SLC24A4: variants seen among roughly 807,000 people sequenced by gnomAD.
SLC24A4 encodes the protein solute carrier family 24 member 4.
SLC24A4 carries 53 observed loss-of-function variants against 79.0 expected under a neutral mutation model. That is an observed-to-expected ratio of 0.67 (90% CI 0.54 to 0.84). SLC24A4 has a LOEUF of 0.84. Ranked by LOEUF, SLC24A4 falls within the 40% of genes least tolerant of loss-of-function variation. SLC24A4 has a pLI of 0.00. For missense variants in SLC24A4, 731 were observed against 822.0 expected, an observed-to-expected ratio of 0.89 and a Z score of 1.35; for synonymous variants, 323 against 323.8, an observed-to-expected ratio of 1.00 and a Z score of 0.03.
intron 2 of SLC24A4, among the ~76,000 whole-genome samples, chr14:92,403,312 G>T (rs1890207551): frequency 6.6e-6 from 1 of 152,088 alleles, no homozygotes. Flanking sequence ...CAGACTTAAA[G>T]CTCTGAGAGG....
chr14:92,461,344 T>C (rs1027365069), intron 12 of SLC24A4, among the ~76,000 whole-genome samples: 1 of 152,252 alleles, frequency 6.6e-6, no homozygotes. Flanking sequence ...GGAATTCTTC[T>C]ATTGCTCTGT....
At chr14:92,449,479 G>A (rs951381996) in intron 10 of SLC24A4, among the ~76,000 whole-genome samples, 2 of 152,168 alleles carry the variant, frequency 1.3e-5, no homozygotes, top group African/African-American at 2.4e-5. Context: ...CCACAGCCAC[G>A]TTTCTGGGCG....
intron 12 of SLC24A4, chr14:92,457,399 T>C (rs1036267032): frequency 2.0e-5 from 3 of 152,838 alleles, no homozygotes; most frequent in African/African-American, 7.2e-5. Flanking sequence ...TCTTCAGGTC[T>C]CTGCTTAAAT....
At chr14:92,483,716 C>T (rs1180916780) in intron 13 of SLC24A4, 6 of 1,289,150 alleles carry the variant, frequency 4.7e-6, no homozygotes, top group Admixed American at 4.6e-5. Flanking sequence ...TTCTTCTCCT[C>T]CTCATTCCCA....
At chr14:92,458,914 A>G (rs1366728489) in intron 12 of SLC24A4, among the ~76,000 whole-genome samples, 3 of 152,144 alleles carry the variant, frequency 2.0e-5, no homozygotes, top group African/African-American at 7.2e-5. Flanking sequence ...AGTCCAGGAA[A>G]CAGCCGAGCT....
At position 92,494,470 on chromosome 14, in the gene SLC24A4, G is replaced by A. The variant is rs1895855457; in HGVS notation, c.*842G>A. The A allele has an allele frequency of 6.6e-6, 1 of 152,240 alleles. No homozygotes were observed. The highest frequency in any genetic ancestry group is 2.1e-4 in the South Asian group (1 of 4,828). 9.4% of individuals were successfully genotyped at this position (152,240 alleles called of 1,614,324 possible). Reference sequence around the variant, plus strand: ...GTGTTTGGTTTGGAATAGGGAAAAAGGTAAGAGACTAACGTGGAAAGGTGC... The same window carrying A: ...GTGTTTGGTTTGGAATAGGGAAAAAAGTAAGAGACTAACGTGGAAAGGTGC... On this transcript the variant is annotated 3_prime_UTR_variant, in exon 17 of 17. Transcript: ENST00000532405. The surrounding 1 kb of genome is among the most constrained non-coding windows in gnomAD (Gnocchi z 4.6).
intron 2 of SLC24A4, among the ~76,000 whole-genome samples, chr14:92,331,052 C>T (rs557051317): frequency 2.6e-5 from 4 of 152,242 alleles, no homozygotes; most frequent in Non-Finnish European, 5.9e-5. Flanking sequence ...ATTCCTGGGC[C>T]CAGCCCTGAC....
At chr14:92,400,768 T>C (rs960515609) in intron 2 of SLC24A4, among the ~76,000 whole-genome samples, 4 of 152,192 alleles carry the variant, frequency 2.6e-5, no homozygotes, top group South Asian at 2.1e-4. Flanking sequence ...AGCACGTGGG[T>C]CCCCTGTTAT....
chr14:92,440,926 G>A (rs4900123), intron 4 of SLC24A4, among the ~76,000 whole-genome samples: 31,900 of 151,816 alleles, frequency 0.21, 3,707 homozygotes, highest in Non-Finnish European at 0.24. Context: ...CAGGGAGGAG[G>A]GAGGACAGGA....
intron 2 of SLC24A4, among the ~76,000 whole-genome samples, chr14:92,364,521 G>A (rs1307277879): frequency 6.6e-6 from 1 of 152,230 alleles, no homozygotes; most frequent in Non-Finnish European, 1.5e-5. Flanking sequence ...GCTATGCAGG[G>A]CAGAGGGAGG....
chr14:92,346,650 AATG>A (rs1425039485), intron 2 of SLC24A4, among the ~76,000 whole-genome samples: 1 of 152,286 alleles, frequency 6.6e-6, no homozygotes, highest in Admixed American at 6.5e-5. Context: ...GAAAAGGGAA[AATG>A]ATGATGATGT....
At chr14:92,349,504 A>G (rs774247496) in intron 2 of SLC24A4, among the ~76,000 whole-genome samples, 1 of 152,198 alleles carries the variant, frequency 6.6e-6, no homozygotes, top group South Asian at 2.1e-4. Flanking sequence ...TTTTTAGACT[A>G]CAGTTTTTGA....
chr14:92,415,769 A>T (rs548488241), intron 2 of SLC24A4, among the ~76,000 whole-genome samples: 14 of 149,420 alleles, frequency 9.4e-5, no homozygotes, highest in Non-Finnish European at 1.5e-4. Context: ...CTATGTTTTT[A>T]TTTTTTTTTT....
intron 12 of SLC24A4, among the ~76,000 whole-genome samples, chr14:92,472,399 C>A: frequency 6.6e-6 from 1 of 152,170 alleles, no homozygotes; most frequent in East Asian, 1.9e-4. Flanking sequence ...TCCCTCACCC[C>A]TTCCCACCCT....
chr14:92,374,448 A>C (rs1157348919), intron 2 of SLC24A4, among the ~76,000 whole-genome samples: 2 of 152,160 alleles, frequency 1.3e-5, no homozygotes, highest in African/African-American at 4.8e-5. Flanking sequence ...AGGCGGAGTA[A>C]AGTCACAAAG....
intron 1 of SLC24A4, 40 bp from the exon 2 acceptor site, chr14:92,325,828 C>A (rs1885092815): frequency 1.5e-6 from 2 of 1,305,444 alleles, no homozygotes; most frequent in Non-Finnish European, 1.1e-6. Context: ...GCAGCCATCA[C>A]ACTGACCTAA....
At chr14:92,372,010 G>T (rs1279874897) in intron 2 of SLC24A4, among the ~76,000 whole-genome samples, 2 of 152,192 alleles carry the variant, frequency 1.3e-5, no homozygotes, top group Non-Finnish European at 2.9e-5. Flanking sequence ...CTGGGCTCTG[G>T]TTCCTCCCCT....
At chr14:92,457,660 C>G (rs772984945) in intron 12 of SLC24A4, 11 of 152,716 alleles carry the variant, frequency 7.2e-5, no homozygotes, top group Admixed American at 7.2e-4. Flanking sequence ...TTTAACTAAG[C>G]CTTCCGTGAG....
At chr14:92,454,141 C>A in intron 11 of SLC24A4, 72 bp downstream of exon 11, 1 of 1,492,882 alleles carries the variant, frequency 6.7e-7, no homozygotes, top group Admixed American at 2.1e-5. Flanking sequence ...TAGGGCTCTT[C>A]CTGGTGCCAT....
Sources: allele counts gnomAD v4.1 joint callset (sites outside exome capture counted in the v4.1 genomes callset), GRCh38; gene constraint gnomAD v4.1.1; non-coding constraint Gnocchi (gnomAD v3.1); transcripts MANE v1.5; gene names NCBI Gene and HGNC (gene_info 2026-07-23, HGNC 2026-07-21).